ERLEC1: variants seen among roughly 807,000 people sequenced by gnomAD.
The protein encoded by ERLEC1 is ER lectin.
ERLEC1 carries 47 observed loss-of-function variants against 68.0 expected under a neutral mutation model. That is an observed-to-expected ratio of 0.69 (90% confidence interval 0.55 to 0.88). The LOEUF is 0.88. Among genes scored for constraint, ERLEC1 ranks in the 40% least tolerant of loss-of-function variants. ERLEC1 has a pLI of 0.00. For missense variants in ERLEC1, 567 were observed against 583.8 expected (o/e 0.97, Z 0.30); for synonymous variants, 225 against 203.2 (o/e 1.11, Z -0.91).
chr2:53,801,832 G>A lies in ERLEC1; in HGVS notation c.869G>A (p.Arg290Lys), dbSNP rs372089359. 6 of 1,613,274 alleles carry A rather than the reference G, an allele frequency of 3.7e-6. No individual in the cohort carries two copies. In the African/African-American group the frequency reaches 8.0e-5, roughly 22 times the overall value. ...GAAATACTAAGGGTGCCTTTTAGGA[G>A]AAATAAAGAGGTATGAGAATTGTCT... ...QEEILRVPFR[R>K]NKEEDLQSTK... is the part of the protein sequence containing the mutation. The change falls in exon 8 of 14, where the codon AGA becomes AAA. Residue 290 changes from arginine to lysine, a missense_variant. Transcript: ENST00000185150.
chr2:53,800,274 T>A (rs773371841), intron 6 of ERLEC1, among the ~76,000 whole-genome samples: 2 of 152,148 alleles, frequency 1.3e-5, no homozygotes, highest in African/African-American at 4.8e-5. Flanking sequence ...GCAATGCCAA[T>A]ATCAAATACG....
intron 11 of ERLEC1, 125 bp from the exon 12 acceptor site, chr2:53,814,418 A>G: frequency 1.8e-6 from 1 of 549,152 alleles, no homozygotes; most frequent in Non-Finnish European, 3.1e-6. Flanking sequence ...AGAATATTTT[A>G]TAGTCAGGTT....
intron 1 of ERLEC1, among the ~76,000 whole-genome samples, chr2:53,791,619 T>C (rs1357016302): frequency 6.6e-6 from 1 of 152,208 alleles, no homozygotes; most frequent in African/African-American, 2.4e-5. Context: ...ATAGAATTGC[T>C]ATTTGGCTTA....
chr2:53,804,108 G>T (rs571119949), intron 8 of ERLEC1, among the ~76,000 whole-genome samples: 7 of 152,122 alleles, frequency 4.6e-5, no homozygotes, highest in Non-Finnish European at 1.0e-4. Context: ...TCCAGCCTGG[G>T]CGACAAAGCG....
At chr2:53,807,480 A>C (rs1322148564) in intron 8 of ERLEC1, among the ~76,000 whole-genome samples, 2 of 151,862 alleles carry the variant, frequency 1.3e-5, no homozygotes, top group East Asian at 3.9e-4. Context: ...ATCTCAGCTC[A>C]CTGCAACCTC....
intron 8 of ERLEC1, among the ~76,000 whole-genome samples, chr2:53,804,084 T>C (rs1246967413): frequency 6.6e-6 from 1 of 152,094 alleles, no homozygotes; most frequent in African/African-American, 2.4e-5. Context: ...TTAGCCAAGA[T>C]TGCACCACTG....
At chr2:53,794,478 C>G in intron 2 of ERLEC1, 29 bp downstream of exon 2, 1 of 1,007,048 alleles carries the variant, frequency 9.9e-7, no homozygotes, top group African/African-American at 1.6e-5. Context: ...ATTGATAATC[C>G]TGTCACCAAA....
At chr2:53,811,835 G>A (rs1352778382) in intron 10 of ERLEC1, among the ~76,000 whole-genome samples, 1 of 152,146 alleles carries the variant, frequency 6.6e-6, no homozygotes, top group Non-Finnish European at 1.5e-5. Flanking sequence ...AAAAACAAAT[G>A]TTGTTAGCTA....
In ERLEC1 at chr2:53,797,497, T is replaced by C. The variant is rs1314869809; in HGVS notation, c.349-18T>C. The C allele has an allele frequency of 1.9e-6, 3 of 1,589,714 alleles. No homozygotes were observed. Among genetic ancestry groups the C allele is most frequent in the Middle Eastern group, 3.4e-4 (2 of 5,938 alleles). ...GTTATGTGGCTTTTGTGCATTGAAA[T>C]ATATCCATCTTTTTTAGATTGAGTC... On this transcript the variant is annotated intron_variant, in intron 3 of 13. Coordinates refer to ENST00000185150, the MANE Select transcript of ERLEC1 (RefSeq NM_015701.5).
At chr2:53,797,204 A>G (rs1675760103) in intron 3 of ERLEC1, among the ~76,000 whole-genome samples, 1 of 152,124 alleles carries the variant, frequency 6.6e-6, no homozygotes, top group Non-Finnish European at 1.5e-5. Flanking sequence ...CGAGTATATA[A>G]TAGAATTTTA....
chr2:53,792,052 C>T (rs1242551669), intron 1 of ERLEC1, among the ~76,000 whole-genome samples: 2 of 151,912 alleles, frequency 1.3e-5, no homozygotes, highest in African/African-American at 2.4e-5. Context: ...GCTGGGAGTA[C>T]AGGCGCCCGC....
rs1675100155 is a variant in ERLEC1, at chr2:53,787,334, C to G, written c.124C>G (p.Pro42Ala). The G allele has an allele frequency of 6.2e-7, 1 of 1,611,818 alleles. No homozygotes were observed. The highest frequency in any genetic ancestry group is 1.3e-5 in the African/African-American group (1 of 74,906). ...RALPQLSDDI[P>A]FRVNWPGTEF... ...CCTTCCTCAACTCAGCGATGACATC[C>G]CTTTCCGAGTCAACTGGCCCGGCAC... The change falls in exon 1 of 14, where the codon CCT becomes GCT. Residue 42 changes from proline (P) to alanine (A), a missense_variant. Transcript: ENST00000185150.
At chr2:53,803,041 C>A (rs1676085431) in intron 8 of ERLEC1, among the ~76,000 whole-genome samples, 1 of 152,168 alleles carries the variant, frequency 6.6e-6, no homozygotes, top group Non-Finnish European at 1.5e-5. Flanking sequence ...AGTGGATTAA[C>A]CCAGGAAGAG....
intron 13 of ERLEC1, among the ~76,000 whole-genome samples, chr2:53,816,371 A>G (rs1203973780): frequency 6.8e-6 from 1 of 148,074 alleles, no homozygotes; most frequent in African/African-American, 2.5e-5. Flanking sequence ...GGTTCAAGCG[A>G]TTGTCCTGCC....
chr2:53,805,301 C>T (rs1470321526), intron 8 of ERLEC1, among the ~76,000 whole-genome samples: 1 of 152,180 alleles, frequency 6.6e-6, no homozygotes, highest in Non-Finnish European at 1.5e-5. Flanking sequence ...GGATTACAGA[C>T]ATGAGCCACC....
At position 53,788,911 on chromosome 2, in the gene ERLEC1, T is replaced by A. The variant is rs562940949; in HGVS notation, c.162+1539T>A. 4.6e-5 allele frequency among the ~76,000 whole-genome samples: 7 copies of A among 152,192 alleles called. No homozygotes were observed. The East Asian group carries it at 1.4e-3, about 29-fold the overall frequency. On this transcript the variant is annotated intron_variant, in intron 1 of 13. Transcript: ENST00000185150. ...GTTTGAAGAATTATGTCATTAAAATTTTTTACTCTTGGCACCTGTGTTTTT... is the reference window on the plus strand; with the variant it reads ...GTTTGAAGAATTATGTCATTAAAATATTTTACTCTTGGCACCTGTGTTTTT...
intron 8 of ERLEC1, among the ~76,000 whole-genome samples, chr2:53,807,952 G>C (rs1289915227): frequency 6.6e-6 from 1 of 151,772 alleles, no homozygotes; most frequent in Non-Finnish European, 1.5e-5. Flanking sequence ...TTTAACCCAG[G>C]AAGCGGAGGT....
chr2:53,791,033 C>T (rs756603988), intron 1 of ERLEC1, among the ~76,000 whole-genome samples: 9 of 152,188 alleles, frequency 5.9e-5, no homozygotes, highest in Non-Finnish European at 1.0e-4. Context: ...CCAAGCACTA[C>T]TATTTGACCA....
At chr2:53,799,013 G>A (rs761609369) in intron 5 of ERLEC1, 34 bp from the exon 6 acceptor site, 15 of 1,604,346 alleles carry the variant, frequency 9.3e-6, no homozygotes, top group East Asian at 2.2e-5. Flanking sequence ...ATATGTCACT[G>A]CTCATTCTTT....
Sources: allele counts gnomAD v4.1 joint callset (sites outside exome capture counted in the v4.1 genomes callset), GRCh38; gene constraint gnomAD v4.1.1; transcripts MANE v1.5; gene names NCBI Gene and HGNC (gene_info 2026-07-23, HGNC 2026-07-21).